Variants in FHIT observed in about 807,000 individuals in gnomAD.
The protein encoded by FHIT is fragile histidine triad diadenosine triphosphatase.
A neutral mutation model predicts 17.9 loss-of-function variants in FHIT; 19 were observed. The ratio of observed to expected loss-of-function variants is 1.06; its 90% CI spans 0.74 to 1.56. FHIT has a LOEUF of 1.56. Ranked by LOEUF, FHIT falls within the 40% of genes most tolerant of loss-of-function variation. FHIT has a pLI of 0.00. For synonymous variants in FHIT, 81 were observed against 69.7 expected, an observed-to-expected ratio of 1.16 and a Z score of -0.81; for missense variants, 248 against 189.2, an observed-to-expected ratio of 1.31 and a Z score of -1.82.
At chr3:60,737,634 A>G (rs1395889454) in intron 4 of FHIT, among the ~76,000 whole-genome samples, 1 of 152,204 alleles carries the variant, frequency 6.6e-6, no homozygotes, top group African/African-American at 2.4e-5. Context: ...GCTGCATCGT[A>G]TGGTGCAATT....
chr3:60,366,337 C>T (rs1043592837), intron 5 of FHIT, among the ~76,000 whole-genome samples: 1 of 152,114 alleles, frequency 6.6e-6, no homozygotes, highest in South Asian at 2.1e-4. Context: ...GTTGGCCAGG[C>T]TGCTCTCAAA....
At chr3:60,165,674 G>C (rs554766413) in intron 5 of FHIT, among the ~76,000 whole-genome samples, 2 of 152,130 alleles carry the variant, frequency 1.3e-5, no homozygotes, top group South Asian at 2.1e-4. Flanking sequence ...AAGGGAAAAA[G>C]TACACCCTCT....
intron 5 of FHIT, among the ~76,000 whole-genome samples, chr3:60,195,858 G>A (rs1702616797): frequency 8.5e-6 from 1 of 117,630 alleles, no homozygotes; most frequent in Non-Finnish European, 1.6e-5. Flanking sequence ...TGTTATAATG[G>A]ACACTGGAGA....
intron 7 of FHIT, among the ~76,000 whole-genome samples, chr3:60,008,373 G>A (rs868731480): frequency 1.6e-4 from 25 of 152,064 alleles, no homozygotes; most frequent in African/African-American, 5.6e-4. Context: ...GAAATAAGAG[G>A]TCACTTTTTT....
At chr3:60,877,726 A>G (rs1269505644) in intron 3 of FHIT, among the ~76,000 whole-genome samples, 2 of 152,060 alleles carry the variant, frequency 1.3e-5, no homozygotes, top group African/African-American at 4.8e-5. Context: ...AGAGTAGAAC[A>G]TGACCTAAGA....
intron 5 of FHIT, among the ~76,000 whole-genome samples, chr3:60,443,788 A>G (rs972020448): frequency 3.9e-5 from 6 of 152,108 alleles, no homozygotes; most frequent in African/African-American, 7.2e-5. Context: ...CCGGCCTCAT[A>G]CTTCATGTCT....
intron 5 of FHIT, among the ~76,000 whole-genome samples, chr3:60,286,174 G>T (rs922928901): frequency 6.6e-6 from 1 of 152,202 alleles, no homozygotes; most frequent in East Asian, 1.9e-4. Context: ...CCTCCTGATA[G>T]TGTATGACAA....
At chr3:60,975,956 C>G (rs1266479948) in intron 3 of FHIT, among the ~76,000 whole-genome samples, 2 of 152,038 alleles carry the variant, frequency 1.3e-5, no homozygotes, top group Non-Finnish European at 2.9e-5. Context: ...GAAATGAAAT[C>G]AAATCAACTC....
In FHIT at chr3:60,499,647, G is replaced by A. The variant is rs1242159799; in HGVS notation, c.103+37213C>T. ...GCCCGCCTCGGCCTCCCAAAGTCCT[G>A]GGATTACAGGCATGAGCCACCGCGC... On this transcript the variant is annotated intron_variant, in intron 5 of 9. Coordinates refer to ENST00000492590, the MANE Select transcript of FHIT (RefSeq NM_002012.4). Among the ~76,000 whole-genome samples, 4 of 150,288 alleles carry A rather than the reference G, an allele frequency of 2.7e-5. No homozygotes were observed. The East Asian group carries it at 7.8e-4, about 29-fold the overall frequency.
intron 4 of FHIT, among the ~76,000 whole-genome samples, chr3:60,706,185 T>A (rs782706590): frequency 1.4e-5 from 2 of 147,606 alleles, no homozygotes; most frequent in African/African-American, 5.0e-5. Flanking sequence ...TAAGTGGGAA[T>A]TGAACAATGA....
chr3:60,433,174 A>C (rs1172072033), intron 5 of FHIT, among the ~76,000 whole-genome samples: 1 of 152,020 alleles, frequency 6.6e-6, no homozygotes, highest in Non-Finnish European at 1.5e-5. Flanking sequence ...GGAATCATGC[A>C]CTTCTGTGAC....
intron 8 of FHIT, among the ~76,000 whole-genome samples, chr3:59,832,457 T>C (rs1377691421): frequency 6.6e-6 from 1 of 152,202 alleles, no homozygotes; most frequent in Non-Finnish European, 1.5e-5. Flanking sequence ...GGCTTGGTTA[T>C]GTGACTTTCT....
chr3:59,792,511 G>T (rs991210340), intron 8 of FHIT, among the ~76,000 whole-genome samples: 2 of 152,100 alleles, frequency 1.3e-5, no homozygotes, highest in African/African-American at 2.4e-5. Context: ...CACATTTCTG[G>T]GGTGGTGGGG....
At chr3:60,250,910 A>T (rs761955134) in intron 5 of FHIT, among the ~76,000 whole-genome samples, 2 of 152,160 alleles carry the variant, frequency 1.3e-5, no homozygotes, top group African/African-American at 2.4e-5. Flanking sequence ...GCCCTCACCA[A>T]ACACAGATAA....
chr3:59,798,895 G>C (rs1046541469), intron 8 of FHIT, among the ~76,000 whole-genome samples: 5 of 152,238 alleles, frequency 3.3e-5, no homozygotes, highest in South Asian at 4.1e-4. Context: ...TCAGAGGAAA[G>C]AGTCATCTCA....
At position 60,085,758 on chromosome 3, in the gene FHIT, G is replaced by C. The variant is rs1161961343; in HGVS notation, c.104-71606C>G. Among the ~76,000 whole-genome samples, 2 of 152,198 alleles carry C rather than the reference G, an allele frequency of 1.3e-5. 1 individual carries two copies. Among genetic ancestry groups the C allele is most frequent in the Non-Finnish European group, 2.9e-5 (2 of 68,032 alleles). The stretch of plus-strand genomic sequence containing the variant: ...TTATATATCAAATGACCTTGGACAA[G>C]TTGTTTATCTTTTGAGTTTCAGTTG... On this transcript the variant is annotated intron_variant, in intron 5 of 9. Transcript: ENST00000492590.
chr3:59,748,713 G>GACTA lies in FHIT; in HGVS notation c.*868_*871dup, dbSNP rs1479282531. 1.3e-5 allele frequency among the ~76,000 whole-genome samples: 2 copies of GACTA among 152,162 alleles called. No homozygotes were observed. Among genetic ancestry groups the GACTA allele is most frequent in the Non-Finnish European group, 1.5e-5 (1 of 68,012 alleles). ...CTTTTAGCAAGGAGGGCAGTACACA[G>GACTA]ACTAAGAGAATGGCCTTTAGGGTGG... On this transcript the variant is annotated 3_prime_UTR_variant, in exon 10 of 10. Coordinates refer to ENST00000492590, the MANE Select transcript of FHIT (RefSeq NM_002012.4).
intron 7 of FHIT, among the ~76,000 whole-genome samples, chr3:59,980,143 A>G (rs1023785088): frequency 6.6e-5 from 10 of 152,146 alleles, no homozygotes; most frequent in Non-Finnish European, 1.5e-4. Context: ...TAAGTTTGAC[A>G]CTATCTAAAG....
intron 2 of FHIT, among the ~76,000 whole-genome samples, chr3:61,043,333 G>A (rs1018860030): frequency 2.6e-5 from 4 of 152,196 alleles, no homozygotes; most frequent in African/African-American, 7.2e-5. Context: ...AGGGTCCCAC[G>A]CCTAGCTCGG....
Sources: allele counts gnomAD v4.1 joint callset (sites outside exome capture counted in the v4.1 genomes callset), GRCh38; gene constraint gnomAD v4.1.1; transcripts MANE v1.5; gene names NCBI Gene and HGNC (gene_info 2026-07-23, HGNC 2026-07-21).